Variants in RALYL observed in about 807,000 individuals in gnomAD.
RALYL encodes the protein RALY RNA binding protein like.
A neutral mutation model predicts 35.1 loss-of-function variants in RALYL; 29 were observed. That is an observed-to-expected ratio of 0.83 (90% confidence interval 0.61 to 1.13). The LOEUF is 1.13. Among genes scored for constraint, RALYL ranks in the 50% most tolerant of loss-of-function variants. The pLI, the probability that RALYL is intolerant of heterozygous loss-of-function variation, is 0.00. For synonymous variants in RALYL, 120 were observed against 127.6 expected, an observed-to-expected ratio of 0.94 and a Z score of 0.40; for missense variants, 359 against 360.4, an observed-to-expected ratio of 1.00 and a Z score of 0.03.
chr8:84,260,931 G>A (rs1244911399), intron 1 of RALYL, among the ~76,000 whole-genome samples: 1 of 152,090 alleles, frequency 6.6e-6, no homozygotes, highest in Non-Finnish European at 1.5e-5. Flanking sequence ...AGCAATTTTT[G>A]TAATTTTGAG....
chr8:84,754,046 G>A (rs890686922), intron 2 of RALYL, among the ~76,000 whole-genome samples: 2 of 151,798 alleles, frequency 1.3e-5, no homozygotes, highest in African/African-American at 4.8e-5. Context: ...TTAGCCCTTT[G>A]TCAGATGAGT....
At chr8:84,736,315 G>A (rs111401615) in intron 2 of RALYL, among the ~76,000 whole-genome samples, 67 of 152,138 alleles carry the variant, frequency 4.4e-4, no homozygotes, top group African/African-American at 1.5e-3. Context: ...TATCTATTAC[G>A]TTAAGAAGAT....
At chr8:84,587,728 G>A (rs1812316765) in intron 2 of RALYL, among the ~76,000 whole-genome samples, 1 of 152,100 alleles carries the variant, frequency 6.6e-6, no homozygotes, top group Admixed American at 6.5e-5. Context: ...AATACAAAGA[G>A]CTGTTGAATG....
At chr8:84,465,388 T>C (rs1239953212) in intron 1 of RALYL, among the ~76,000 whole-genome samples, 20 of 99,944 alleles carry the variant, frequency 2.0e-4, no homozygotes, top group Admixed American at 3.2e-4. Flanking sequence ...GCACCATTTA[T>C]TAAATAGGGA....
chr8:84,719,995 T>C (rs1044828617), intron 2 of RALYL, among the ~76,000 whole-genome samples: 3 of 152,144 alleles, frequency 2.0e-5, no homozygotes, highest in African/African-American at 4.8e-5. Flanking sequence ...TTTTAGATTA[T>C]TTATATAAAC....
At chr8:84,609,018 G>C (rs1391626596) in intron 2 of RALYL, among the ~76,000 whole-genome samples, 1 of 152,076 alleles carries the variant, frequency 6.6e-6, no homozygotes, top group Non-Finnish European at 1.5e-5. Context: ...GTGCAAAGAA[G>C]AAGTTGCTTC....
At chr8:84,560,531 A>T (rs2135575432) in intron 2 of RALYL, among the ~76,000 whole-genome samples, 1 of 152,080 alleles carries the variant, frequency 6.6e-6, no homozygotes, top group South Asian at 2.1e-4. Context: ...CTTAATTGTG[A>T]TTACTATTTC....
chr8:84,651,057 T>A (rs1184124411), intron 2 of RALYL, among the ~76,000 whole-genome samples: 1 of 151,646 alleles, frequency 6.6e-6, no homozygotes, highest in Admixed American at 6.6e-5. Context: ...AACATCACAC[T>A]CTGGGGACTG....
At chr8:84,812,398 C>A (rs116900420) in intron 4 of RALYL, among the ~76,000 whole-genome samples, 1 of 152,030 alleles carries the variant, frequency 6.6e-6, no homozygotes, top group Non-Finnish European at 1.5e-5. Flanking sequence ...TATTTTTGTG[C>A]GGGTTGGCCT....
chr8:84,558,172 G>A (rs1279887667), intron 2 of RALYL, among the ~76,000 whole-genome samples: 1 of 152,056 alleles, frequency 6.6e-6, no homozygotes, highest in East Asian at 1.9e-4. Flanking sequence ...CAACACTGGG[G>A]TTAGCAAGAA....
intron 1 of RALYL, among the ~76,000 whole-genome samples, chr8:84,436,558 T>G (rs971810166): frequency 1.1e-4 from 17 of 148,034 alleles, no homozygotes; most frequent in Admixed American, 1.4e-4. Context: ...TTTTTTTTTT[T>G]TTTTTTTTTT....
intron 1 of RALYL, among the ~76,000 whole-genome samples, chr8:84,401,638 A>G (rs1488484434): frequency 2.5e-4 from 21 of 83,502 alleles, no homozygotes; most frequent in Non-Finnish European, 3.9e-4. Context: ...ACTCTGTCTC[A>G]AAAAAAAAAA....
intron 2 of RALYL, among the ~76,000 whole-genome samples, chr8:84,637,381 G>C (rs1038893202): frequency 2.6e-5 from 4 of 151,758 alleles, no homozygotes; most frequent in African/African-American, 9.7e-5. Context: ...TGCATCCAAG[G>C]TCAGGTGACG....
chr8:84,591,370 A>G (rs780060234), intron 2 of RALYL, among the ~76,000 whole-genome samples: 28 of 152,190 alleles, frequency 1.8e-4, no homozygotes, highest in Admixed American at 3.3e-4. Flanking sequence ...TACAGCAAAA[A>G]GCATAGACAT....
intron 1 of RALYL, among the ~76,000 whole-genome samples, chr8:84,365,844 A>T (rs947430132): frequency 6.6e-6 from 1 of 152,188 alleles, no homozygotes; most frequent in Non-Finnish European, 1.5e-5. Context: ...AGAAATGGTT[A>T]AGAACCTAAA....
intron 5 of RALYL, 90 bp downstream of exon 5, chr8:84,850,117 G>A (rs938642077): frequency 3.3e-6 from 2 of 614,828 alleles, no homozygotes; most frequent in African/African-American, 1.9e-5. Flanking sequence ...CTTAATTATG[G>A]TATTTAAAAC....
At chr8:84,341,300 C>A (rs1033272617) in intron 1 of RALYL, among the ~76,000 whole-genome samples, 2 of 151,266 alleles carry the variant, frequency 1.3e-5, no homozygotes, top group African/African-American at 4.9e-5. Context: ...ATTAGTATTA[C>A]AATATTATAT....
At chr8:84,554,033 TAG>T (rs527835139) in intron 2 of RALYL, among the ~76,000 whole-genome samples, 186 of 152,316 alleles carry the variant, frequency 1.2e-3, no homozygotes, top group African/African-American at 4.0e-3. Flanking sequence ...ACATCCCTAA[TAG>T]AGTTTTATTT....
chr8:84,302,154 C>A (rs1189783304), intron 1 of RALYL, among the ~76,000 whole-genome samples: 1 of 152,104 alleles, frequency 6.6e-6, no homozygotes, highest in East Asian at 1.9e-4. Flanking sequence ...GAGTCACTTA[C>A]CCCATCTTTT....
Sources: gnomAD v4.1 joint callset for allele counts (sites outside exome capture counted in the v4.1 genomes callset) on GRCh38, gnomAD v4.1.1 for gene constraint, MANE v1.5 for transcripts, NCBI Gene and HGNC (gene_info 2026-07-23, HGNC 2026-07-21) for gene names.